Variants in TMEM138 observed in about 807,000 individuals in gnomAD.
TMEM138 encodes the protein transmembrane protein 138.
Under a neutral mutation model 18.1 loss-of-function variants are expected in TMEM138, and 9 were observed. The ratio of observed to expected loss-of-function variants is 0.50; its 90% CI spans 0.30 to 0.87. TMEM138 has a LOEUF of 0.87. Among genes scored for constraint, TMEM138 ranks in the 40% least tolerant of loss-of-function variants. The probability of loss-of-function intolerance (pLI) is 0.06; values close to 1 mark genes in which losing one functional copy is unlikely to be tolerated. For missense variants in TMEM138, 189 were observed against 190.6 expected (o/e 0.99, Z 0.05); for synonymous variants, 79 against 74.8 (o/e 1.06, Z -0.29).
At chr11:61,372,322 G>A (rs1238748530), downstream of TMEM138, among the ~76,000 whole-genome samples, 1 of 151,932 alleles carries the variant, frequency 6.6e-6, no homozygotes, top group Non-Finnish European at 1.5e-5. Context: ...TTGTTTTTGA[G>A]ATGGAGTCTC....
downstream of TMEM138, among the ~76,000 whole-genome samples, chr11:61,372,872 G>T (rs4439533): frequency 6.6e-6 from 1 of 151,066 alleles, no homozygotes; most frequent in Non-Finnish European, 1.5e-5. Context: ...TACAATAAGA[G>T]AATTTACTTT....
chr11:61,368,045 CTCTT>C (rs1858215037), intron 4 of TMEM138, 47 bp downstream of exon 4: 1 of 1,321,424 alleles, frequency 7.6e-7, no homozygotes, highest in Non-Finnish European at 1.1e-6. Flanking sequence ...CCACATGTGT[CTCTT>C]TCAGTGAGGG....
chr11:61,364,302 C>T lies in TMEM138; in HGVS notation c.-89C>T. ...AGCTCTCATTCAAAGGAACTAGAAG[C>T]CTCTCCCTCAGTGGTAGGGAGACAG... On this transcript the variant is annotated 5_prime_UTR_variant, in exon 2 of 5. Transcript: ENST00000278826. The T allele has an allele frequency of 6.8e-7, 1 of 1,480,708 alleles. No individual in the cohort carries two copies. The highest frequency in any genetic ancestry group is 9.2e-7 in the Non-Finnish European group (1 of 1,087,752). 91.7% of individuals were successfully genotyped at this position (1,480,708 alleles called of 1,614,324 possible). A position where few individuals can be genotyped will look rare whatever the true frequency, so the allele number is the denominator to read the frequency against.
chr11:61,372,456 C>T (rs1453829378), downstream of TMEM138, among the ~76,000 whole-genome samples: 9 of 147,138 alleles, frequency 6.1e-5, no homozygotes, highest in African/African-American at 7.6e-5. Context: ...CGTGCACCAC[C>T]GTGCCCAGCC....
rs768481655 is a variant in TMEM138 at position 61,368,140 on chromosome 11, G to T, written c.376+142G>T. The T allele has an allele frequency of 2.5e-5, 19 of 760,240 alleles. 1 individual carries two copies. The highest frequency in any genetic ancestry group is 2.3e-4 in the South Asian group (17 of 73,268). 47.1% of individuals were successfully genotyped at this position (760,240 alleles called of 1,614,324 possible). The stretch of plus-strand genomic sequence containing the variant: ...CACACCAGGAACAGGAGGGATTACT[G>T]CCCCTGCCCTTGCTAGAAGACTATG... On this transcript the variant is annotated intron_variant, in intron 4 of 4. Transcript: ENST00000278826.
intron 2 of TMEM138, 73 bp downstream of exon 2, chr11:61,364,591 C>A (rs1858070634): frequency 6.3e-7 from 1 of 1,593,588 alleles, no homozygotes; most frequent in Non-Finnish European, 8.5e-7. Context: ...GATTTAGTGT[C>A]TTAAAGTTAT....
chr11:61,370,461 T>A (rs1858311017), downstream of TMEM138, among the ~76,000 whole-genome samples: 1 of 152,172 alleles, frequency 6.6e-6, no homozygotes, highest in South Asian at 2.1e-4. Context: ...AGTGGATACA[T>A]CAGCAAGGTA....
Position 61,364,337 on chromosome 11 carries a change from G to T in TMEM138, c.-54G>T. On this transcript the variant is annotated 5_prime_UTR_variant, in exon 2 of 5. Coordinates refer to ENST00000278826, the MANE Select transcript of TMEM138 (RefSeq NM_016464.5). Reference sequence around the variant, plus strand: ...AGTGGTAGGGAGACAGCCAGGAGCGGTTTTCTGGGAACTGTGGGATGTGCC... The same window carrying T: ...AGTGGTAGGGAGACAGCCAGGAGCGTTTTTCTGGGAACTGTGGGATGTGCC... The T allele has an allele frequency of 6.2e-7, 1 of 1,601,440 alleles. No homozygotes were observed. The highest frequency in any genetic ancestry group is 1.1e-5 in the South Asian group (1 of 90,084).
At chr11:61,363,359 A>G (rs1001554190) in intron 1 of TMEM138, 2 of 152,260 alleles carry the variant, frequency 1.3e-5, no homozygotes, top group African/African-American at 2.4e-5. Context: ...GGGATAATAT[A>G]CATTGTAATG....
Position 61,364,349 on chromosome 11 carries a change from C to A in TMEM138, c.-42C>A. 1 of 1,608,920 alleles carries A rather than the reference C, an allele frequency of 6.2e-7. No homozygotes were observed. Among genetic ancestry groups the A allele is most frequent in the South Asian group, 1.1e-5 (1 of 90,696 alleles). On this transcript the variant is annotated 5_prime_UTR_variant, in exon 2 of 5. In the 5' UTR this introduces an upstream ATG that the reference lacks. Transcript: ENST00000278826. ...ACAGCCAGGAGCGGTTTTCTGGGAACTGTGGGATGTGCCCTTGGGGGCCCG... is the reference window on the plus strand; with the variant it reads ...ACAGCCAGGAGCGGTTTTCTGGGAAATGTGGGATGTGCCCTTGGGGGCCCG...
Position 61,369,435 on chromosome 11 carries a change from CTCTT to C in TMEM138, c.*729_*732del, listed in dbSNP as rs1322173733. 1 of 152,246 alleles carries C rather than the reference CTCTT, an allele frequency of 6.6e-6. No homozygotes were observed. Among genetic ancestry groups the C allele is most frequent in the Non-Finnish European group, 1.5e-5 (1 of 68,044 alleles). 9.4% of individuals were successfully genotyped at this position (152,246 alleles called of 1,614,324 possible). ...CAGATGTGTGTGCTCTGTTCAGACTCTCTTTCCTTATCAGAAGCCTTAACTGCCC... is the reference window on the plus strand; with the variant it reads ...CAGATGTGTGTGCTCTGTTCAGACTCTCCTTATCAGAAGCCTTAACTGCCC... On this transcript the variant is annotated 3_prime_UTR_variant, in exon 5 of 5. Coordinates refer to ENST00000278826, the MANE Select transcript of TMEM138 (RefSeq NM_016464.5).
downstream of TMEM138, among the ~76,000 whole-genome samples, chr11:61,370,493 G>GT (rs1858312610): frequency 6.6e-6 from 1 of 152,234 alleles, no homozygotes; most frequent in South Asian, 2.1e-4. Flanking sequence ...TTTGTGGTCA[G>GT]TGGGGATGCA....
chr11:61,366,252 T>C, intron 3 of TMEM138, 36 bp downstream of exon 3: 1 of 1,589,888 alleles, frequency 6.3e-7, no homozygotes, highest in Non-Finnish European at 8.5e-7. Flanking sequence ...TTTTAATTTT[T>C]ATTTTAAATA....
intron 2 of TMEM138, among the ~76,000 whole-genome samples, chr11:61,365,507 CTT>C (rs1858112741): frequency 6.6e-6 from 1 of 152,130 alleles, no homozygotes; most frequent in Non-Finnish European, 1.5e-5. Flanking sequence ...GTCTCAAACT[CTT>C]GACCTCAAGT....
In TMEM138 at chr11:61,369,097, G is replaced by A. The variant is rs150853051; in HGVS notation, c.*388G>A. 4.9e-6 allele frequency: 1 copy of A among 204,642 alleles called. No homozygotes were observed. Among genetic ancestry groups the A allele is most frequent in the East Asian group, 1.2e-4 (1 of 8,346 alleles). 12.7% of individuals were successfully genotyped at this position (204,642 alleles called of 1,614,324 possible). ...TCCCAGTGACCAAAGGATGCGAAGA[G>A]TGATAGTTACGTGCTCCTGACTGAT... On this transcript the variant is annotated 3_prime_UTR_variant, in exon 5 of 5. Transcript: ENST00000278826.
chr11:61,372,129 T>TTG (rs1171725761), downstream of TMEM138, among the ~76,000 whole-genome samples: 1 of 147,920 alleles, frequency 6.8e-6, no homozygotes, highest in Non-Finnish European at 1.5e-5. Flanking sequence ...TGAGCCAAGA[T>TTG]TGTACCACTG....
chr11:61,366,525 T>C (rs987979387), intron 3 of TMEM138: 8 of 225,258 alleles, frequency 3.6e-5, no homozygotes, highest in African/African-American at 1.9e-4. Flanking sequence ...TGGAGTGCAG[T>C]GGCGTGATCT....
chr11:61,366,427 G>T, intron 3 of TMEM138: 3 of 492,698 alleles, frequency 6.1e-6, no homozygotes, highest in Middle Eastern at 5.3e-4. Flanking sequence ...CTGAATTCCT[G>T]AATCGCTAAA....
chr11:61,362,734 A>G (rs1221164303), intron 1 of TMEM138: 1 of 152,224 alleles, frequency 6.6e-6, no homozygotes, highest in Non-Finnish European at 1.5e-5. Context: ...GCCTATGAGT[A>G]GTGGTTAAGA....
Sources: allele counts gnomAD v4.1 joint callset (sites outside exome capture counted in the v4.1 genomes callset), GRCh38; gene constraint gnomAD v4.1.1; transcripts MANE v1.5; gene names NCBI Gene and HGNC (gene_info 2026-07-23, HGNC 2026-07-21).